NUP155: variants seen among roughly 807,000 people sequenced by gnomAD.
The protein encoded by NUP155 is nuclear pore complex protein Nup155.
Under a neutral mutation model 180.4 loss-of-function variants are expected in NUP155, and 71 were observed. The observed-to-expected ratio is 0.39, with a 90% CI of 0.33 to 0.48. The LOEUF (loss-of-function observed/expected upper bound fraction) is 0.48. NUP155 is among the 20% of genes least tolerant of loss of function. The pLI, the probability that NUP155 is intolerant of heterozygous loss-of-function variation, is 0.91. For synonymous variants in NUP155, 582 were observed against 559.5 expected (o/e 1.04, Z -0.57); for missense variants, 1,553 against 1,648.9 (o/e 0.94, Z 1.01).
chr5:37,342,973 G>A (rs1432288453), intron 9 of NUP155, among the ~76,000 whole-genome samples: 1 of 152,156 alleles, frequency 6.6e-6, no homozygotes, highest in Non-Finnish European at 1.5e-5. Context: ...CTGACCTCGC[G>A]TGAGCGTGAT....
chr5:37,352,844 A>T lies in NUP155; in HGVS notation c.464-15T>A. The T allele has an allele frequency of 6.3e-7, 1 of 1,580,202 alleles. No homozygotes were observed. Among genetic ancestry groups the T allele is most frequent in the East Asian group, 2.2e-5 (1 of 44,694 alleles). On this transcript the variant is annotated splice_polypyrimidine_tract_variant and intron_variant, in intron 4 of 34. Coordinates refer to ENST00000231498, the MANE Select transcript of NUP155 (RefSeq NM_153485.3). The stretch of plus-strand genomic sequence containing the variant: ...TTGAAAGATGCCTAAGATAAAGTAG[A>T]CACAGGGCAGGAATACTTTCAGCAT...
intron 15 of NUP155, 96 bp from the exon 16 acceptor site, chr5:37,329,374 A>G (rs1744812507): frequency 1.1e-6 from 1 of 917,044 alleles, no homozygotes; most frequent in African/African-American, 1.6e-5. Flanking sequence ...TTCCAAGTAA[A>G]TGCTTTAAAC....
intron 9 of NUP155, among the ~76,000 whole-genome samples, chr5:37,345,700 C>T (rs1047118996): frequency 9.9e-5 from 15 of 151,648 alleles, no homozygotes; most frequent in African/African-American, 1.7e-4. Flanking sequence ...GTCAGGAGTT[C>T]GTAACCATCC....
intron 9 of NUP155, among the ~76,000 whole-genome samples, chr5:37,343,419 G>C (rs1219550321): frequency 6.6e-6 from 1 of 152,124 alleles, no homozygotes; most frequent in Non-Finnish European, 1.5e-5. Flanking sequence ...AGCTTCTTAG[G>C]AAAGTAATAC....
intron 25 of NUP155, 84 bp downstream of exon 25, chr5:37,307,213 A>G: frequency 1.4e-6 from 2 of 1,380,384 alleles, no homozygotes; most frequent in Non-Finnish European, 2.0e-6. Flanking sequence ...AAAAAAAAAA[A>G]CATAAAACAA....
At chr5:37,349,151 T>A in intron 8 of NUP155, 21 bp downstream of exon 8, 1 of 561,788 alleles carries the variant, frequency 1.8e-6, no homozygotes, top group Non-Finnish European at 3.0e-6. Context: ...CTCTTAATGG[T>A]ATAATAATAT....
chr5:37,354,234 C>T (rs1219929591), intron 4 of NUP155, among the ~76,000 whole-genome samples: 1 of 151,876 alleles, frequency 6.6e-6, no homozygotes, highest in Admixed American at 6.6e-5. Flanking sequence ...ATAACCTCTG[C>T]CTCCCGGGTT....
chr5:37,296,367 G>A lies in NUP155; in HGVS notation c.3794-1902C>T, dbSNP rs539842160. Among the ~76,000 whole-genome samples the A allele has an allele frequency of 2.6e-4, 39 of 152,040 alleles. 1 individual carries two copies. In the South Asian group the frequency reaches 8.1e-3, roughly 32 times the overall value. On this transcript the variant is annotated intron_variant, in intron 32 of 34. Coordinates refer to ENST00000231498, the MANE Select transcript of NUP155 (RefSeq NM_153485.3). The stretch of plus-strand genomic sequence containing the variant: ...TTCTGCCTTGGGATCCTGTTGATCT[G>A]TGACCTTACCCCCAACCCTGTGCTC...
At chr5:37,315,617 G>T (rs950544347) in intron 21 of NUP155, among the ~76,000 whole-genome samples, 1 of 150,038 alleles carries the variant, frequency 6.7e-6, no homozygotes, top group African/African-American at 2.5e-5. Flanking sequence ...TGAAGAAATT[G>T]GAACCCTTGT....
intron 10 of NUP155, among the ~76,000 whole-genome samples, chr5:37,342,073 C>G (rs530452330): frequency 6.6e-6 from 1 of 152,268 alleles, no homozygotes; most frequent in East Asian, 1.9e-4. Flanking sequence ...AGATCTTGCC[C>G]TATTGCCCAG....
intron 33 of NUP155, 136 bp downstream of exon 33, chr5:37,294,191 CAT>C (rs1742393651): frequency 1.7e-6 from 1 of 604,514 alleles, no homozygotes; most frequent in African/African-American, 1.9e-5. Context: ...AAGTCAAAAG[CAT>C]AATTTCCAAG....
intron 3 of NUP155, among the ~76,000 whole-genome samples, chr5:37,363,560 T>C (rs1581217410): frequency 6.6e-6 from 1 of 152,218 alleles, no homozygotes; most frequent in Non-Finnish European, 1.5e-5. Flanking sequence ...TCTTTAAAAA[T>C]GTCCAATCAT....
chr5:37,306,802 G>C (rs1050676370), intron 25 of NUP155, among the ~76,000 whole-genome samples: 1 of 151,216 alleles, frequency 6.6e-6, no homozygotes, highest in African/African-American at 2.4e-5. Flanking sequence ...CTTTTTAACA[G>C]TCTCAACAAA....
At chr5:37,298,183 A>G (rs1742687263) in intron 32 of NUP155, among the ~76,000 whole-genome samples, 1 of 151,768 alleles carries the variant, frequency 6.6e-6, no homozygotes, top group African/African-American at 2.4e-5. Context: ...AGTTGCAGTG[A>G]GCCGAGATGG....
At chr5:37,364,507 G>C (rs889754645) in intron 1 of NUP155, 123 bp from the exon 2 acceptor site, 3 of 825,922 alleles carry the variant, frequency 3.6e-6, no homozygotes, top group African/African-American at 3.4e-5. Flanking sequence ...GAATATTCTA[G>C]TTTTGACCCA....
chr5:37,296,532 C>T (rs1742585433), intron 32 of NUP155, among the ~76,000 whole-genome samples: 1 of 150,962 alleles, frequency 6.6e-6, no homozygotes, highest in Non-Finnish European at 1.5e-5. Context: ...CTCAAGTACC[C>T]AGGGACACAA....
chr5:37,348,258 T>C (rs1746231399), intron 9 of NUP155, among the ~76,000 whole-genome samples: 1 of 151,780 alleles, frequency 6.6e-6, no homozygotes, highest in African/African-American at 2.4e-5. Context: ...GAGCCAAGAT[T>C]GTGTCACTGC....
At chr5:37,343,059 A>G (rs544589529) in intron 9 of NUP155, among the ~76,000 whole-genome samples, 2 of 149,276 alleles carry the variant, frequency 1.3e-5, no homozygotes, top group Admixed American at 6.7e-5. Flanking sequence ...ACATATTTCC[A>G]TATTTTCTTT....
chr5:37,365,752 TACAC>T (rs372031424), intron 1 of NUP155, among the ~76,000 whole-genome samples: 5,200 of 37,550 alleles, frequency 0.14, 979 homozygotes, highest in Non-Finnish European at 0.18. Context: ...TATATATATA[TACAC>T]ACACACACAC....
Sources: gnomAD v4.1 joint callset for allele counts (sites outside exome capture counted in the v4.1 genomes callset) on GRCh38, gnomAD v4.1.1 for gene constraint, MANE v1.5 for transcripts, NCBI Gene and HGNC (gene_info 2026-07-23, HGNC 2026-07-21) for gene names.